Variants in TRIM9 observed in about 807,000 individuals in gnomAD.
The protein encoded by TRIM9 is E3 ubiquitin-protein ligase TRIM9.
In TRIM9, 26 loss-of-function variants were observed where a neutral mutation model predicts 78.3. That is an observed-to-expected ratio of 0.33 (90% CI 0.24 to 0.46). The LOEUF is 0.46. Among genes scored for constraint, TRIM9 ranks in the 20% least tolerant of loss-of-function variants. TRIM9 has a pLI of 1.00. For missense variants in TRIM9, 787 were observed against 1,036.4 expected, an observed-to-expected ratio of 0.76 and a Z score of 3.30; for synonymous variants, 398 against 416.5, an observed-to-expected ratio of 0.96 and a Z score of 0.54.
At chr14:51,075,555 C>G (rs977638206) in intron 1 of TRIM9, among the ~76,000 whole-genome samples, 9 of 152,322 alleles carry the variant, frequency 5.9e-5, no homozygotes, top group Non-Finnish European at 8.8e-5. Flanking sequence ...CCACTGAGGG[C>G]TGCATTTCGG....
chr14:51,048,826 T>C (rs1417051720), intron 1 of TRIM9, among the ~76,000 whole-genome samples: 1 of 151,692 alleles, frequency 6.6e-6, no homozygotes, highest in East Asian at 2.0e-4. Flanking sequence ...CCACTAAAAA[T>C]ACAAAAAATT....
chr14:51,002,140 G>A (rs1313627309), intron 5 of TRIM9, among the ~76,000 whole-genome samples: 1 of 151,786 alleles, frequency 6.6e-6, no homozygotes, highest in Non-Finnish European at 1.5e-5. Context: ...TCTTTTTTTT[G>A]AGACGCAGTC....
At chr14:51,025,013 G>C (rs2058087606) in intron 2 of TRIM9, among the ~76,000 whole-genome samples, 2 of 152,134 alleles carry the variant, frequency 1.3e-5, no homozygotes, top group Admixed American at 6.5e-5. Flanking sequence ...AGAGAATTAG[G>C]ACCTCAGTGT....
At chr14:51,041,750 TA>T (rs1190431907) in intron 1 of TRIM9, among the ~76,000 whole-genome samples, 4 of 152,232 alleles carry the variant, frequency 2.6e-5, no homozygotes, top group African/African-American at 9.6e-5. Flanking sequence ...TTTTATTGCT[TA>T]AAAATACATA....
intron 1 of TRIM9, among the ~76,000 whole-genome samples, chr14:51,051,773 C>A (rs981308181): frequency 4.6e-5 from 7 of 151,970 alleles, no homozygotes; most frequent in Admixed American, 6.6e-5. Context: ...TCAAGGCCAG[C>A]CTGGCCAACA....
intron 1 of TRIM9, among the ~76,000 whole-genome samples, chr14:51,047,630 T>C (rs1436474335): frequency 6.6e-6 from 1 of 151,504 alleles, no homozygotes; most frequent in Non-Finnish European, 1.5e-5. Context: ...CAAAGGTAAG[T>C]AGGATAAGGC....
chr14:51,082,498 A>C (rs965417195), intron 1 of TRIM9, among the ~76,000 whole-genome samples: 33 of 152,248 alleles, frequency 2.2e-4, no homozygotes, highest in African/African-American at 8.0e-4. Context: ...TATGCGAAGT[A>C]AAAGAAGACA....
At chr14:51,047,105 C>A (rs945349875) in intron 1 of TRIM9, among the ~76,000 whole-genome samples, 1 of 152,264 alleles carries the variant, frequency 6.6e-6, no homozygotes, top group African/African-American at 2.4e-5. Flanking sequence ...GTGACGGTAT[C>A]TGCCTCTGCT....
At chr14:51,053,575 A>T (rs1326072390) in intron 1 of TRIM9, among the ~76,000 whole-genome samples, 72 of 75,568 alleles carry the variant, frequency 9.5e-4, no homozygotes, top group East Asian at 2.2e-3. Flanking sequence ...TTACTTTTTA[A>T]TTTTCTTTTT....
At position 51,000,790 on chromosome 14, in the gene TRIM9, T is replaced by C. The variant is rs746166614; in HGVS notation, c.1357A>G (p.Thr453Ala). ...GACAACGTAGCGCTGTTGTTGTGGG[T>C]ACAACATTCCTCCAGCTGTAGGATA... ...TPILQLEECCTHNNSATLSWK... is the reference protein window; with the variant it reads ...TPILQLEECCAHNNSATLSWK... Residue 453 changes from threonine to alanine, a missense_variant, in exon 6 of 13, where the codon ACC becomes GCC. Transcript: ENST00000684578. 2 of 1,614,116 alleles carry C rather than the reference T, an allele frequency of 1.2e-6. No homozygotes were observed. The highest frequency in any genetic ancestry group is 1.1e-5 in the South Asian group (1 of 91,084).
At chr14:50,989,497 T>C (rs1158865337) in intron 7 of TRIM9, among the ~76,000 whole-genome samples, 2 of 152,206 alleles carry the variant, frequency 1.3e-5, no homozygotes, top group Admixed American at 1.3e-4. Context: ...TACAAAGCTA[T>C]GTTTCAGGTC....
intron 1 of TRIM9, among the ~76,000 whole-genome samples, chr14:51,039,021 C>T (rs1052250956): frequency 9.2e-5 from 14 of 152,178 alleles, no homozygotes; most frequent in Non-Finnish European, 1.3e-4. Context: ...CTCAAAGGCA[C>T]GGGGTCATTA....
rs1279661019 is a variant in TRIM9 at position 51,066,601 on chromosome 14, C to A, written c.822+27517G>T. Reference sequence around the variant, plus strand: ...TATGAACTGTTAAAAGACAAAATTACAAATCTAGTTTAAAGATCTTAACTG... The same window carrying A: ...TATGAACTGTTAAAAGACAAAATTAAAAATCTAGTTTAAAGATCTTAACTG... On this transcript the variant is annotated intron_variant, in intron 1 of 12. Transcript: ENST00000684578. Among the ~76,000 whole-genome samples, 5 of 152,192 alleles carry A rather than the reference C, an allele frequency of 3.3e-5. 1 individual carries two copies. Among genetic ancestry groups the A allele is most frequent in the African/African-American group, 9.7e-5 (4 of 41,450 alleles).
intron 1 of TRIM9, among the ~76,000 whole-genome samples, chr14:51,034,750 T>G (rs185561740): frequency 6.6e-6 from 1 of 152,336 alleles, no homozygotes; most frequent in Admixed American, 6.5e-5. Flanking sequence ...CACTACAGTT[T>G]AGCAGTTAAT....
chr14:50,989,854 T>C (rs1486661096), intron 7 of TRIM9, among the ~76,000 whole-genome samples: 3 of 152,120 alleles, frequency 2.0e-5, no homozygotes, highest in African/African-American at 7.2e-5. Flanking sequence ...CTCACTAGGA[T>C]TGGCTGGAGT....
At chr14:51,079,052 C>T (rs1357853648) in intron 1 of TRIM9, among the ~76,000 whole-genome samples, 1 of 152,046 alleles carries the variant, frequency 6.6e-6, no homozygotes, top group East Asian at 1.9e-4. Context: ...AAATAAAATG[C>T]TCTTGATTAA....
intron 1 of TRIM9, among the ~76,000 whole-genome samples, chr14:51,040,715 TTTGA>T (rs935717342): frequency 3.6e-4 from 54 of 151,720 alleles, no homozygotes; most frequent in African/African-American, 1.2e-3. Context: ...GTTTCTTTAC[TTTGA>T]TTATGAGTTT....
chr14:51,042,082 C>T (rs1176714256), intron 1 of TRIM9, among the ~76,000 whole-genome samples: 1 of 152,164 alleles, frequency 6.6e-6, no homozygotes, highest in Non-Finnish European at 1.5e-5. Flanking sequence ...TGTGAATATT[C>T]AAGACCATGA....
intron 5 of TRIM9, among the ~76,000 whole-genome samples, chr14:51,003,840 AC>A (rs2055411623): frequency 6.6e-6 from 1 of 152,134 alleles, no homozygotes; most frequent in African/African-American, 2.4e-5. Context: ...TTCCTTATTT[AC>A]CCCCAGTGAT....
Sources: gnomAD v4.1 joint callset for allele counts (sites outside exome capture counted in the v4.1 genomes callset) on GRCh38, gnomAD v4.1.1 for gene constraint, MANE v1.5 for transcripts, NCBI Gene and HGNC (gene_info 2026-07-23, HGNC 2026-07-21) for gene names.